NFIA: variants seen among roughly 807,000 people sequenced by gnomAD.
NFIA encodes nuclear factor 1 A-type.
NFIA carries 8 observed loss-of-function variants against 62.8 expected under a neutral mutation model. That is an observed-to-expected ratio of 0.13 (90% CI 0.07 to 0.23). The LOEUF (loss-of-function observed/expected upper bound fraction) is 0.23, where lower values mean the gene tolerates loss of function less well. Among genes scored for constraint, NFIA ranks in the 10% least tolerant of loss-of-function variants. The pLI is 1.00. For missense variants in NFIA, 410 were observed against 642.1 expected, an observed-to-expected ratio of 0.64 and a Z score of 3.91; for synonymous variants, 235 against 238.1, an observed-to-expected ratio of 0.99 and a Z score of 0.12.
chr1:61,082,530 A>C (rs908277647), upstream of NFIA: 230 of 1,371,784 alleles, frequency 1.7e-4, no homozygotes, highest in Non-Finnish European at 2.0e-4. Context: ...TACAGTAGGC[A>C]TGTATAGTGG....
In NFIA at chr1:61,352,468, C is replaced by G. The variant is rs1198149632; in HGVS notation, c.719C>G (p.Thr240Ser). 2 of 1,613,616 alleles carry G rather than the reference C, an allele frequency of 1.2e-6. No individual in the cohort carries two copies. The highest frequency in any genetic ancestry group is 1.7e-6 in the Non-Finnish European group (2 of 1,179,772). The change falls in exon 5 of 11, where the codon ACT becomes AGT. Residue 240 changes from threonine to serine, a missense_variant. This residue lies in a region of NFIA where 298 missense variants were observed against 438.1 expected (regional missense o/e 0.68). Transcript: ENST00000403491. Reference sequence around the variant, plus strand: ...ATTCTAGCACCAATAGCTGCAGGAACTGGCCCAAATTTTTCTCTCTCAGAT... The same window carrying G: ...ATTCTAGCACCAATAGCTGCAGGAAGTGGCCCAAATTTTTCTCTCTCAGAT... Reference protein sequence around the residue: ...RVSQTPIAAGTGPNFSLSDLE... With the variant: ...RVSQTPIAAGSGPNFSLSDLE...
Position 61,458,789 on chromosome 1 carries a change from A to G in NFIA, c.*3469A>G, listed in dbSNP as rs1557458499. 1 of 151,098 alleles carries G rather than the reference A, an allele frequency of 6.6e-6. No homozygotes were observed. Among genetic ancestry groups the G allele is most frequent in the Non-Finnish European group, 1.5e-5 (1 of 67,930 alleles). 9.4% of individuals were successfully genotyped at this position (151,098 alleles called of 1,614,324 possible). On this transcript the variant is annotated 3_prime_UTR_variant, in exon 11 of 11. Coordinates refer to ENST00000403491, the MANE Select transcript of NFIA (RefSeq NM_001134673.4). ...AGAAGTATAGGTCTACTGAAAAACC[A>G]TTGTAAATGGACGTTACAGGTATGC... is the stretch of plus-strand genomic sequence containing the variant.
intron 10 of NFIA, among the ~76,000 whole-genome samples, chr1:61,427,690 G>C (rs1165293031): frequency 6.6e-6 from 1 of 152,178 alleles, no homozygotes; most frequent in African/African-American, 2.4e-5. Context: ...CACTGAAGCA[G>C]GGTCACAGAA....
At chr1:61,428,464 C>T (rs962883718) in intron 10 of NFIA, among the ~76,000 whole-genome samples, 1 of 150,846 alleles carries the variant, frequency 6.6e-6, no homozygotes, top group African/African-American at 2.4e-5. Flanking sequence ...CATAGTGACA[C>T]CTGCCACATT....
intron 2 of NFIA, among the ~76,000 whole-genome samples, chr1:61,187,892 A>C (rs1395624699): frequency 6.6e-6 from 1 of 152,068 alleles, no homozygotes. Flanking sequence ...CTCCTTCTCC[A>C]CAGGGTGGGG....
chr1:61,268,201 C>T (rs1424552000), intron 2 of NFIA, among the ~76,000 whole-genome samples: 1 of 152,170 alleles, frequency 6.6e-6, no homozygotes, highest in Non-Finnish European at 1.5e-5. Context: ...TCCTGATTTA[C>T]CCAACCACAG....
Position 61,122,381 on chromosome 1 carries a change from G to A in NFIA, c.559+33701G>A, listed in dbSNP as rs1376221095. Among the ~76,000 whole-genome samples, 5 of 152,198 alleles carry A rather than the reference G, an allele frequency of 3.3e-5. No individual in the cohort carries two copies. The East Asian group carries it at 7.7e-4, about 23-fold the overall frequency. ...GTCAAGTTGCTGTAAGAGTTATATTGTAAAGTTTTAGACTAACTTGCATGT... is the reference window on the plus strand; with the variant it reads ...GTCAAGTTGCTGTAAGAGTTATATTATAAAGTTTTAGACTAACTTGCATGT... On this transcript the variant is annotated intron_variant, in intron 2 of 10. Transcript: ENST00000403491.
chr1:61,393,238 CCTCTCCCTCT>C (rs1665077376), intron 7 of NFIA, among the ~76,000 whole-genome samples: 2 of 40,884 alleles, frequency 4.9e-5, no homozygotes, highest in Non-Finnish European at 7.4e-5. Context: ...TCTGCCTCGC[CCTCTCCCTCT>C]CTCTCTCTCT....
intron 3 of NFIA, among the ~76,000 whole-genome samples, chr1:61,301,871 G>A (rs1437678047): frequency 6.6e-6 from 1 of 152,136 alleles, no homozygotes; most frequent in Non-Finnish European, 1.5e-5. Context: ...TCTGAGCCAG[G>A]TCACCTACAA....
chr1:61,451,685 A>G (rs189565102), intron 10 of NFIA, among the ~76,000 whole-genome samples: 22 of 152,294 alleles, frequency 1.4e-4, no homozygotes, highest in African/African-American at 4.3e-4. Context: ...AAAGTTTCTG[A>G]GGAAAAAATA....
rs1653295017 is a variant in NFIA, at chr1:61,212,002, T to TA, written c.560-65518_560-65517insA. ...ATTTTTCAAATGTGAGAAAACTCCT[T>TA]TAGAAGTTTTAGTCTTCATGAGTCT... On this transcript the variant is annotated intron_variant, in intron 2 of 10. Transcript: ENST00000403491. 3.3e-5 allele frequency among the ~76,000 whole-genome samples: 5 copies of TA among 152,340 alleles called. No individual in the cohort carries two copies. The South Asian group carries it at 1.0e-3, about 32-fold the overall frequency.
chr1:61,277,548 G>C lies in NFIA; in HGVS notation c.588G>C (p.Gln196His). 1 of 1,613,848 alleles carries C rather than the reference G, an allele frequency of 6.2e-7. No homozygotes were observed. The highest frequency in any genetic ancestry group is 8.5e-7 in the Non-Finnish European group (1 of 1,179,840). Reference protein sequence around the residue: ...ADSSQSESPSQPSDADIKDQP... With the variant: ...ADSSQSESPSHPSDADIKDQP... ...CAAGTCAATCTGAAAGTCCCAGCCA[G>C]CCAAGTGACGCTGACATTAAGGACC... Residue 196 changes from glutamine (Q) to histidine (H), a missense_variant, in exon 3 of 11, where the codon CAG (glutamine) becomes CAC (histidine). Gln to His is a conservative substitution (Grantham distance 24, BLOSUM62 0). Around this residue, in one of 3 missense-constraint regions of NFIA, gnomAD observed 298 missense variants for 438.1 expected, o/e 0.68. Transcript: ENST00000403491.
intron 6 of NFIA, among the ~76,000 whole-genome samples, chr1:61,375,975 A>G (rs1199754613): frequency 1.3e-5 from 2 of 152,094 alleles, no homozygotes; most frequent in African/African-American, 2.4e-5. Context: ...ACTGTCAGAA[A>G]CATTCATGTT....
chr1:61,105,646 A>G (rs1026495565), intron 2 of NFIA, among the ~76,000 whole-genome samples: 3 of 151,924 alleles, frequency 2.0e-5, no homozygotes, highest in South Asian at 4.1e-4. Flanking sequence ...ACTTTATATC[A>G]GTGAGTATAA....
intron 2 of NFIA, among the ~76,000 whole-genome samples, chr1:61,259,983 G>A (rs1656657732): frequency 2.6e-5 from 4 of 152,172 alleles, no homozygotes; most frequent in Non-Finnish European, 5.9e-5. Flanking sequence ...TTTTGAGATT[G>A]CAATAGCTCA....
In NFIA at chr1:61,201,127, C is replaced by T. The variant is rs144748301; in HGVS notation, c.560-76393C>T. On this transcript the variant is annotated intron_variant, in intron 2 of 10. Transcript: ENST00000403491. ...TGTAGTAAGATCTCACATACTTTCT[C>T]AGATTTGGCTTTTTTGTTGTTGTTA... Among the ~76,000 whole-genome samples, 7 of 152,266 alleles carry T rather than the reference C, an allele frequency of 4.6e-5. No individual in the cohort carries two copies. In the East Asian group the frequency reaches 1.4e-3, roughly 29 times the overall value.
chr1:61,214,236 C>T (rs1464380447), intron 2 of NFIA, among the ~76,000 whole-genome samples: 3 of 152,022 alleles, frequency 2.0e-5, no homozygotes, highest in Non-Finnish European at 4.4e-5. Flanking sequence ...CTCTTTTGTT[C>T]CGCAAAGGGT....
intron 9 of NFIA, among the ~76,000 whole-genome samples, chr1:61,413,535 C>G (rs1428624240): frequency 1.3e-5 from 2 of 149,784 alleles, no homozygotes; most frequent in Non-Finnish European, 3.0e-5. Flanking sequence ...AAATTACAAA[C>G]AATGTCACTA....
At chr1:61,318,546 T>C (rs577489939) in intron 3 of NFIA, among the ~76,000 whole-genome samples, 29 of 152,308 alleles carry the variant, frequency 1.9e-4, no homozygotes, top group Middle Eastern at 3.4e-3. Context: ...TCTACAAATA[T>C]GTGAGCTTGG....
Sources: gnomAD v4.1 joint callset for allele counts (sites outside exome capture counted in the v4.1 genomes callset) on GRCh38, gnomAD v4.1.1 for gene constraint, gnomAD v4.1.1 regional missense constraint, MANE v1.5 for transcripts, NCBI Gene and HGNC (gene_info 2026-07-23, HGNC 2026-07-21) for gene names.